Variants in TMEFF2 observed in about 807,000 individuals in gnomAD.
TMEFF2 encodes the protein tomoregulin-2.
TMEFF2 carries 28 observed loss-of-function variants against 53.8 expected under a neutral mutation model. The ratio of observed to expected loss-of-function variants is 0.52; its 90% CI spans 0.39 to 0.71. The LOEUF (loss-of-function observed/expected upper bound fraction) is 0.71, where lower values mean the gene tolerates loss of function less well. Ranked by LOEUF, TMEFF2 falls within the 30% of genes least tolerant of loss-of-function variation. The probability of loss-of-function intolerance (pLI) is 0.00; values close to 1 mark genes in which losing one functional copy is unlikely to be tolerated. For synonymous variants in TMEFF2, 162 were observed against 166.3 expected, an observed-to-expected ratio of 0.97 and a Z score of 0.20; for missense variants, 353 against 455.2, an observed-to-expected ratio of 0.78 and a Z score of 2.04.
intron 4 of TMEFF2, among the ~76,000 whole-genome samples, chr2:192,129,217 G>A (rs1689750957): frequency 1.3e-5 from 2 of 152,140 alleles, no homozygotes; most frequent in South Asian, 2.1e-4. Context: ...AGTTCCTCAA[G>A]CACATATTCT....
chr2:192,069,988 G>GTATATATATATATA (rs55800219), intron 4 of TMEFF2, among the ~76,000 whole-genome samples: 1 of 118,810 alleles, frequency 8.4e-6, no homozygotes, highest in Non-Finnish European at 1.8e-5. Flanking sequence ...GTGTGTGTGT[G>GTATATATATATATA]TATATATATA....
chr2:192,181,764 A>G (rs1691190470), intron 3 of TMEFF2, among the ~76,000 whole-genome samples: 1 of 151,828 alleles, frequency 6.6e-6, no homozygotes, highest in Admixed American at 6.6e-5. Context: ...TCCCACATGC[A>G]TTTCTAAAAC....
chr2:192,165,303 T>A (rs1690737163), intron 4 of TMEFF2, among the ~76,000 whole-genome samples: 1 of 152,166 alleles, frequency 6.6e-6, no homozygotes, highest in African/African-American at 2.4e-5. Flanking sequence ...TAACACTACC[T>A]GATGTTGCAT....
intron 4 of TMEFF2, among the ~76,000 whole-genome samples, chr2:192,101,619 A>T (rs1353053094): frequency 2.6e-5 from 4 of 152,198 alleles, no homozygotes; most frequent in Non-Finnish European, 4.4e-5. Flanking sequence ...CAAAGTGAGA[A>T]ACACAGCTGG....
intron 9 of TMEFF2, among the ~76,000 whole-genome samples, chr2:191,950,838 CAACT>C (rs1691853893): frequency 6.6e-6 from 1 of 152,058 alleles, no homozygotes; most frequent in Non-Finnish European, 1.5e-5. Flanking sequence ...GAGAATGAAC[CAACT>C]GTTAATATCT....
intron 4 of TMEFF2, among the ~76,000 whole-genome samples, chr2:192,096,189 T>C (rs1688898853): frequency 6.6e-6 from 1 of 152,182 alleles, no homozygotes; most frequent in African/African-American, 2.4e-5. Context: ...CCCATTAATG[T>C]TACAATGAAA....
chr2:192,173,227 G>T lies in TMEFF2; in HGVS notation c.439+6441C>A, dbSNP rs138218630. Among the ~76,000 whole-genome samples, 607 of 151,890 alleles carry T rather than the reference G, an allele frequency of 4.0e-3. 7 individuals carry two copies. Among genetic ancestry groups the T allele is most frequent in the East Asian group, 0.024 (122 of 5,150 alleles). On this transcript the variant is annotated intron_variant, in intron 4 of 9. Coordinates refer to ENST00000272771, the MANE Select transcript of TMEFF2 (RefSeq NM_016192.4). The stretch of plus-strand genomic sequence containing the variant: ...CTGATCTTATCATGATACATTGCAT[G>T]CTTATATCTAAACATTATATGTACT...
chr2:192,166,028 TGAC>T (rs937319896), intron 4 of TMEFF2, among the ~76,000 whole-genome samples: 11 of 152,216 alleles, frequency 7.2e-5, no homozygotes, highest in African/African-American at 2.7e-4. Context: ...TTGCCTTTTA[TGAC>T]TGTTTGCAGG....
chr2:192,070,528 C>T (rs1688271205), intron 4 of TMEFF2, among the ~76,000 whole-genome samples: 1 of 151,828 alleles, frequency 6.6e-6, no homozygotes, highest in Non-Finnish European at 1.5e-5. Flanking sequence ...CAGTCTTTAC[C>T]ATTGTATTCA....
intron 5 of TMEFF2, among the ~76,000 whole-genome samples, chr2:192,055,717 G>T (rs1181590006): frequency 7.3e-6 from 1 of 136,990 alleles, no homozygotes; most frequent in East Asian, 2.3e-4. Flanking sequence ...GGAGGTTGCA[G>T]TGAGTTGAGA....
chr2:192,168,146 A>G (rs1443053023), intron 4 of TMEFF2, among the ~76,000 whole-genome samples: 1 of 152,110 alleles, frequency 6.6e-6, no homozygotes, highest in Non-Finnish European at 1.5e-5. Flanking sequence ...TCAAAAGTCA[A>G]ATGCTCAAAG....
intron 4 of TMEFF2, among the ~76,000 whole-genome samples, chr2:192,096,078 T>C (rs991678397): frequency 6.6e-6 from 1 of 152,158 alleles, no homozygotes; most frequent in African/African-American, 2.4e-5. Context: ...TACAGAACAC[T>C]TACTGGCAGG....
At chr2:192,078,507 A>G (rs1688483690) in intron 4 of TMEFF2, among the ~76,000 whole-genome samples, 1 of 152,162 alleles carries the variant, frequency 6.6e-6, no homozygotes. Flanking sequence ...GAGAGTAAGA[A>G]TTTTTACTGT....
chr2:192,149,148 G>A (rs184941400), intron 4 of TMEFF2, among the ~76,000 whole-genome samples: 1 of 152,042 alleles, frequency 6.6e-6, no homozygotes, highest in Admixed American at 6.6e-5. Flanking sequence ...GATAGGTTTT[G>A]TTGGATTGGG....
At chr2:192,048,204 G>A (rs1337953837) in intron 5 of TMEFF2, among the ~76,000 whole-genome samples, 1 of 151,852 alleles carries the variant, frequency 6.6e-6, no homozygotes, top group African/African-American at 2.4e-5. Flanking sequence ...AATAATCAGA[G>A]CTTGGGACAC....
chr2:192,179,524 G>T, intron 4 of TMEFF2, 144 bp downstream of exon 4: 1 of 785,704 alleles, frequency 1.3e-6, no homozygotes, highest in Admixed American at 3.3e-5. Context: ...TACTTAATAT[G>T]GTGACAATTT....
intron 4 of TMEFF2, among the ~76,000 whole-genome samples, chr2:192,137,092 G>T (rs1193318780): frequency 6.6e-6 from 1 of 152,198 alleles, no homozygotes; most frequent in Non-Finnish European, 1.5e-5. Context: ...TTTTAACAGA[G>T]GGATAAGTCC....
rs549578696 is a variant in TMEFF2, at chr2:192,130,039, T to C, written c.439+49629A>G. ...TGTCTATAAGTGATTTAGATTGTAT[T>C]GCACTGTGATTTGTAGTTTTTAAAG... On this transcript the variant is annotated intron_variant, in intron 4 of 9. Transcript: ENST00000272771. Among the ~76,000 whole-genome samples the C allele has an allele frequency of 2.4e-4, 37 of 152,344 alleles. No individual in the cohort carries two copies. In the South Asian group the frequency reaches 7.0e-3, roughly 29 times the overall value.
intron 7 of TMEFF2, among the ~76,000 whole-genome samples, chr2:191,985,634 T>C (rs1468320346): frequency 1.3e-5 from 2 of 152,222 alleles, no homozygotes; most frequent in East Asian, 3.8e-4. Flanking sequence ...ATGGTGCACA[T>C]ACTGTATGAA....
Sources: allele counts gnomAD v4.1 joint callset (sites outside exome capture counted in the v4.1 genomes callset), GRCh38; gene constraint gnomAD v4.1.1; transcripts MANE v1.5; gene names NCBI Gene and HGNC (gene_info 2026-07-23, HGNC 2026-07-21).